Variants in CTIF observed in about 807,000 individuals in gnomAD.
CTIF encodes the protein CBP80/20-dependent translation initiation factor.
In CTIF, 21 loss-of-function variants were observed where a neutral mutation model predicts 66.0. That is an observed-to-expected ratio of 0.32 (90% CI 0.23 to 0.46). The LOEUF is 0.46. Among genes scored for constraint, CTIF ranks in the 20% least tolerant of loss-of-function variants. CTIF has a pLI of 1.00. For synonymous variants in CTIF, 345 were observed against 326.4 expected, an observed-to-expected ratio of 1.06 and a Z score of -0.62; for missense variants, 739 against 812.7, an observed-to-expected ratio of 0.91 and a Z score of 1.10.
chr18:48,679,772 G>C (rs1484293540), intron 6 of CTIF, among the ~76,000 whole-genome samples: 1 of 152,136 alleles, frequency 6.6e-6, no homozygotes, highest in Non-Finnish European at 1.5e-5. Context: ...CTTGATTCTA[G>C]GCCAATTTTG....
chr18:48,759,894 A>G (rs17765930), intron 8 of CTIF, among the ~76,000 whole-genome samples: 6,891 of 152,242 alleles, frequency 0.045, 210 homozygotes, highest in South Asian at 0.084. Flanking sequence ...GACCAAGAAG[A>G]CATGGGCTCA....
intron 3 of CTIF, among the ~76,000 whole-genome samples, chr18:48,642,714 A>G (rs1279194367): frequency 1.3e-5 from 2 of 152,206 alleles, no homozygotes. Flanking sequence ...ATAATGCTGC[A>G]GTAACAAACA....
chr18:48,794,098 G>A (rs2067855365), intron 9 of CTIF, among the ~76,000 whole-genome samples: 1 of 152,142 alleles, frequency 6.6e-6, no homozygotes. Flanking sequence ...TAGCCCAAAG[G>A]GTGGCTCTCA....
chr18:48,786,237 T>C (rs1911695764), intron 9 of CTIF, among the ~76,000 whole-genome samples: 1 of 152,178 alleles, frequency 6.6e-6, no homozygotes, highest in African/African-American at 2.4e-5. Flanking sequence ...GCCTCAGGCC[T>C]GTTTTTCAGC....
chr18:48,604,206 C>T (rs1338856114), intron 1 of CTIF, among the ~76,000 whole-genome samples: 14 of 103,398 alleles, frequency 1.4e-4, no homozygotes, highest in South Asian at 3.7e-4. Context: ...AGACGGGTCT[C>T]GCTCTGTTCC....
chr18:48,742,637 G>A (rs1480788705), intron 7 of CTIF, among the ~76,000 whole-genome samples: 3 of 152,202 alleles, frequency 2.0e-5, no homozygotes, highest in African/African-American at 7.2e-5. Flanking sequence ...GAGCCAAGGC[G>A]CAGCTCATTT....
chr18:48,580,647 C>T (rs979419125), intron 1 of CTIF, among the ~76,000 whole-genome samples: 23 of 152,276 alleles, frequency 1.5e-4, no homozygotes, highest in African/African-American at 4.1e-4. Context: ...GACCACCGTT[C>T]GGGACCCTCT....
intron 7 of CTIF, among the ~76,000 whole-genome samples, chr18:48,749,511 C>T (rs981060043): frequency 2.6e-5 from 4 of 152,184 alleles, no homozygotes; most frequent in Non-Finnish European, 5.9e-5. Context: ...CCTGTCTTCC[C>T]ATCTGTACTA....
intron 1 of CTIF, among the ~76,000 whole-genome samples, chr18:48,546,837 T>C (rs1342152808): frequency 1.3e-5 from 2 of 152,194 alleles, no homozygotes; most frequent in Non-Finnish European, 2.9e-5. Flanking sequence ...CTGCTTTTTG[T>C]CTTGACCTGG....
intron 1 of CTIF, among the ~76,000 whole-genome samples, chr18:48,579,069 A>G (rs192972344): frequency 8.5e-5 from 13 of 152,200 alleles, no homozygotes; most frequent in African/African-American, 2.9e-4. Context: ...TCATTTTGTT[A>G]GAGACAGTGT....
chr18:48,556,401 G>T (rs2145579436), intron 1 of CTIF, among the ~76,000 whole-genome samples: 1 of 152,312 alleles, frequency 6.6e-6, no homozygotes, highest in East Asian at 1.9e-4. Context: ...GAGTTGGAAA[G>T]CCCCAATGCA....
At chr18:48,595,718 AT>A (rs764683760) in intron 1 of CTIF, among the ~76,000 whole-genome samples, 1 of 152,118 alleles carries the variant, frequency 6.6e-6, no homozygotes, top group Admixed American at 6.5e-5. Context: ...AACTACATAC[AT>A]TTGTTATTTC....
chr18:48,740,002 A>G (rs1360376192), intron 7 of CTIF, among the ~76,000 whole-genome samples: 1 of 152,220 alleles, frequency 6.6e-6, no homozygotes, highest in African/African-American at 2.4e-5. Flanking sequence ...GGACTCTACA[A>G]ATATCAATGC....
intron 9 of CTIF, among the ~76,000 whole-genome samples, chr18:48,798,054 G>C (rs1240981524): frequency 1.3e-5 from 2 of 152,170 alleles, no homozygotes; most frequent in Non-Finnish European, 2.9e-5. Flanking sequence ...GCGCCACCAG[G>C]GGCAAGCAGA....
At chr18:48,812,449 AAAG>A (rs2068277806) in intron 9 of CTIF, among the ~76,000 whole-genome samples, 1 of 152,212 alleles carries the variant, frequency 6.6e-6, no homozygotes, top group Non-Finnish European at 1.5e-5. Context: ...AACCTCAAAT[AAAG>A]AAGTATAAGG....
chr18:48,672,811 G>A (rs1032690685), intron 6 of CTIF, among the ~76,000 whole-genome samples: 1 of 152,034 alleles, frequency 6.6e-6, no homozygotes, highest in Non-Finnish European at 1.5e-5. Context: ...GGCCCCTTCT[G>A]TCCCTGTTCG....
At chr18:48,792,214 C>G (rs2067807621) in intron 9 of CTIF, among the ~76,000 whole-genome samples, 1 of 151,720 alleles carries the variant, frequency 6.6e-6, no homozygotes, top group Non-Finnish European at 1.5e-5. Context: ...ACCTGGGGAG[C>G]ATCCTGGTCA....
chr18:48,843,602 G>A (rs879816957), intron 10 of CTIF, among the ~76,000 whole-genome samples: 19 of 152,312 alleles, frequency 1.2e-4, no homozygotes, highest in African/African-American at 4.3e-4. Flanking sequence ...CCAGAGGGCT[G>A]TGGACTACCC....
chr18:48,764,303 A>C (rs1909301324), intron 9 of CTIF, among the ~76,000 whole-genome samples: 1 of 152,212 alleles, frequency 6.6e-6, no homozygotes. Flanking sequence ...GCAGTCAGTC[A>C]CTGGGCACAG....
Sources: allele counts gnomAD v4.1 joint callset (sites outside exome capture counted in the v4.1 genomes callset), GRCh38; gene constraint gnomAD v4.1.1; transcripts MANE v1.5; gene names NCBI Gene and HGNC (gene_info 2026-07-23, HGNC 2026-07-21).